The following PDE6B variants were observed in gnomAD, a reference collection of about 807,000 sequenced individuals.
The protein encoded by PDE6B is phosphodiesterase 6B.
A neutral mutation model predicts 109.0 loss-of-function variants in PDE6B; 106 were observed. The ratio of observed to expected loss-of-function variants is 0.97; its 90% CI spans 0.83 to 1.14. The LOEUF is 1.14. Among genes scored for constraint, PDE6B ranks in the 50% most tolerant of loss-of-function variants. PDE6B has a pLI of 0.00. For missense variants in PDE6B, 1,193 were observed against 1,155.6 expected (o/e 1.03, Z -0.47); for synonymous variants, 490 against 471.3 (o/e 1.04, Z -0.51).
Position 663,775 on chromosome 4 carries a change from G to A in PDE6B, c.1926G>A (p.Leu642=), listed in dbSNP as rs1737427413. ...GCTGGGCATAACCTCCGCAGACCCTGAACATCTACCAGAACCTGAACCGGC... is the reference window on the plus strand; with the variant it reads ...GCTGGGCATAACCTCCGCAGACCCTAAACATCTACCAGAACCTGAACCGGC... The part of the protein sequence containing the change: ...FGKFLLSEET[L]NIYQNLNRRQ... Residue 642 remains leucine, a synonymous_variant, in exon 16 of 22, where the codon CTG becomes CTA. Coordinates refer to ENST00000496514, the MANE Select transcript of PDE6B (RefSeq NM_000283.4). The surrounding 1 kb of genome is among the most constrained non-coding windows in gnomAD (Gnocchi z 4.0). 1 of 1,611,678 alleles carries A rather than the reference G, an allele frequency of 6.2e-7. No individual in the cohort carries two copies. The highest frequency in any genetic ancestry group is 8.5e-7 in the Non-Finnish European group (1 of 1,178,954).
At chr4:660,790 A>G (rs965389587) in intron 12 of PDE6B, among the ~76,000 whole-genome samples, 177 bp downstream of exon 12, 33 of 152,276 alleles carry the variant, frequency 2.2e-4, no homozygotes, top group African/African-American at 7.7e-4. Flanking sequence ...TAAAATGCAC[A>G]CGGGAAGTAA....
intron 3 of PDE6B, among the ~76,000 whole-genome samples, chr4:644,519 G>A (rs188660056): frequency 5.6e-4 from 85 of 151,838 alleles, no homozygotes; most frequent in African/African-American, 2.0e-3. Flanking sequence ...GAATAACAGT[G>A]TTTTTGTTTT....
At chr4:657,096 TC>T in intron 9 of PDE6B, 73 bp downstream of exon 9, 1 of 1,457,032 alleles carries the variant, frequency 6.9e-7, no homozygotes, top group Non-Finnish European at 9.6e-7. Flanking sequence ...TGTGGGGGCC[TC>T]CCCGCCAAGC....
In PDE6B at chr4:663,021, C is replaced by T. The variant is rs918782525; in HGVS notation, c.1833-79C>T. ...CTGTCTCAAAAAAAAGAAAGTGGGG[C>T]CCATCTGGGGGGGCTGCAGAGCGCA... On this transcript the variant is annotated intron_variant, in intron 14 of 21. Coordinates refer to ENST00000496514, the MANE Select transcript of PDE6B (RefSeq NM_000283.4). The surrounding 1 kb of genome is among the most constrained non-coding windows in gnomAD (Gnocchi z 4.0). 1.8e-5 allele frequency: 15 copies of T among 829,284 alleles called. No homozygotes were observed. The highest frequency in any genetic ancestry group is 1.3e-4 in the African/African-American group (8 of 59,916). The allele number at this position is 829,284 out of a possible 1,614,324, so 51.4% of individuals were successfully genotyped here. A position where few individuals can be genotyped will look rare whatever the true frequency, so the allele number is the denominator to read the frequency against.
rs1168964463 is a variant in PDE6B, at chr4:636,351, C to T, written c.711+382C>T. On this transcript the variant is annotated intron_variant, in intron 3 of 21. Transcript: ENST00000496514. The surrounding 1 kb of genome is among the most constrained non-coding windows in gnomAD (Gnocchi z 4.5). ...GAGAGGGTGCAGGGGCAGGTCCGGC[C>T]CTGACTGAGAGAGGGTGTAGGGGCA... 6.6e-6 allele frequency among the ~76,000 whole-genome samples: 1 copy of T among 152,060 alleles called. No homozygotes were observed. Among genetic ancestry groups the T allele is most frequent in the African/African-American group, 2.4e-5 (1 of 41,404 alleles).
intron 21 of PDE6B, among the ~76,000 whole-genome samples, 159 bp downstream of exon 21, chr4:668,165 C>T (rs765151877): frequency 1.3e-5 from 2 of 151,906 alleles, no homozygotes; most frequent in Admixed American, 6.6e-5. Flanking sequence ...GAGGCCACGG[C>T]GGGGGAGAGT....
intron 20 of PDE6B, 118 bp from the exon 21 acceptor site, chr4:667,738 C>T: frequency 9.0e-7 from 1 of 1,111,158 alleles, no homozygotes; most frequent in Admixed American, 1.7e-5. Context: ...CTCCGTGGCG[C>T]TCCCTCCTCC....
Position 662,819 on chromosome 4 carries a change from T to C in PDE6B, c.1832+201T>C, listed in dbSNP as rs1466199968. On this transcript the variant is annotated intron_variant, in intron 14 of 21. Coordinates refer to ENST00000496514, the MANE Select transcript of PDE6B (RefSeq NM_000283.4). This position sits in a 1 kb window ranked among gnomAD's most constrained non-coding sequence, Gnocchi z 4.3. ...AGCCTGGGCAACATGGCAAGAGCTC[T>C]CCTCTACAAAAACTTAAAAAAAAAA... 8.2e-4 allele frequency among the ~76,000 whole-genome samples: 112 copies of C among 137,090 alleles called. No individual in the cohort carries two copies. The highest frequency in any genetic ancestry group is 2.9e-3 in the African/African-American group (104 of 36,178). 89.9% of individuals were successfully genotyped at this position (137,090 alleles called of 152,430 possible).
At chr4:632,063 C>G (rs1734411792) in intron 1 of PDE6B, among the ~76,000 whole-genome samples, 1 of 149,042 alleles carries the variant, frequency 6.7e-6, no homozygotes, top group African/African-American at 2.5e-5. Flanking sequence ...CTGTGTGGAT[C>G]TATGTGACAC....
At position 658,841 on chromosome 4, in the gene PDE6B, G is replaced by C. The variant is rs1423459775; in HGVS notation, c.1402-111G>C. 7.5e-6 allele frequency: 6 copies of C among 797,174 alleles called. No homozygotes were observed. The African/African-American group carries it at 1.0e-4, about 14-fold the overall frequency. The allele number at this position is 797,174 out of a possible 1,614,324, so 49.4% of individuals were successfully genotyped here. On this transcript the variant is annotated intron_variant, in intron 10 of 21. Coordinates refer to ENST00000496514, the MANE Select transcript of PDE6B (RefSeq NM_000283.4). Reference sequence around the variant, plus strand: ...CCGCCAGGGCCTTCCCAGGGTGAAAGCACAAGCTCTTGACAGCACCTTCCT... The same window carrying C: ...CCGCCAGGGCCTTCCCAGGGTGAAACCACAAGCTCTTGACAGCACCTTCCT...
At chr4:635,171 G>A (rs1471644038) in intron 2 of PDE6B, among the ~76,000 whole-genome samples, 2 of 115,382 alleles carry the variant, frequency 1.7e-5, no homozygotes, top group Non-Finnish European at 3.4e-5. Flanking sequence ...GTTCTGTGCT[G>A]CGCGTCCACC....
Position 667,861 on chromosome 4 carries a change from C to T in PDE6B, c.2358C>T (p.Phe786=). 2 of 1,613,076 alleles carry T rather than the reference C, an allele frequency of 1.2e-6. No homozygotes were observed. The highest frequency in any genetic ancestry group is 1.7e-6 in the Non-Finnish European group (2 of 1,179,496). ...DFVCTFVYKE[F]SRFHEEILPM... ...GACTTCTCGACTCCCCTCAGGAGTT[C>T]TCTCGTTTCCACGAAGAGATCCTGC... Residue 786 remains phenylalanine (F), a synonymous_variant, in exon 21 of 22, where the codon TTC becomes TTT. Coordinates refer to ENST00000496514, the MANE Select transcript of PDE6B (RefSeq NM_000283.4).
In PDE6B at chr4:636,697, G is replaced by A. The variant is rs138023175; in HGVS notation, c.711+728G>A. Reference sequence around the variant, plus strand: ...GCCTTCTCCGTGTCTTGTTCTGCCTGCGGATGCTGCCTGGCCCTGGTCACC... The same window carrying A: ...GCCTTCTCCGTGTCTTGTTCTGCCTACGGATGCTGCCTGGCCCTGGTCACC... On this transcript the variant is annotated intron_variant, in intron 3 of 21. Coordinates refer to ENST00000496514, the MANE Select transcript of PDE6B (RefSeq NM_000283.4). The surrounding 1 kb of genome is among the most constrained non-coding windows in gnomAD (Gnocchi z 4.5). 1.1e-4 allele frequency among the ~76,000 whole-genome samples: 17 copies of A among 152,320 alleles called. No individual in the cohort carries two copies. The highest frequency in any genetic ancestry group is 1.9e-4 in the Non-Finnish European group (13 of 68,014).
rs1334050220 is a variant in PDE6B at position 665,578 on chromosome 4, A to G, written c.2268+249A>G. On this transcript the variant is annotated intron_variant, in intron 19 of 21. Transcript: ENST00000496514. The surrounding 1 kb of genome is among the most constrained non-coding windows in gnomAD (Gnocchi z 4.0). ...GAGGAACCAGGGCCACCCGCTCATC[A>G]CCAGGAGCCTCTGGGTCCAGGCAGC... Among the ~76,000 whole-genome samples the G allele has an allele frequency of 6.6e-6, 1 of 152,058 alleles. No homozygotes were observed. The highest frequency in any genetic ancestry group is 6.5e-5 in the Admixed American group (1 of 15,280).
In PDE6B at chr4:662,495, C is replaced by T. The variant is rs767819188; in HGVS notation, c.1723-14C>T. 15 of 1,559,686 alleles carry T rather than the reference C, an allele frequency of 9.6e-6. No homozygotes were observed. The highest frequency in any genetic ancestry group is 1.2e-5 in the Non-Finnish European group (14 of 1,131,020). On this transcript the variant is annotated splice_polypyrimidine_tract_variant and intron_variant, in intron 13 of 21. Transcript: ENST00000496514. The surrounding 1 kb of genome is among the most constrained non-coding windows in gnomAD (Gnocchi z 4.3). ...GAGCCAGGACCGGTGAGCAAGGTGG[C>T]CCTGTCTCTACAGACCGGCAAACTG...
At chr4:655,552 A>AG (rs1736115783) in intron 6 of PDE6B, 1 of 366,808 alleles carries the variant, frequency 2.7e-6, no homozygotes, top group Admixed American at 4.0e-5. Context: ...CCCAAGAGGG[A>AG]GGGGCCCCAG....
chr4:667,855 G>T lies in PDE6B; in HGVS notation c.432+1241G>T, dbSNP rs1737975269. 1 of 1,612,954 alleles carries T rather than the reference G, an allele frequency of 6.2e-7. No homozygotes were observed. Among genetic ancestry groups the T allele is most frequent in the Non-Finnish European group, 8.5e-7 (1 of 1,179,394 alleles). ...GGTGGTGACTTCTCGACTCCCCTCA[G>T]GAGTTCTCTCGTTTCCACGAAGAGA... On this transcript the variant is annotated intron_variant, in intron 5 of 5. Transcript: ENST00000471824.
Position 663,237 on chromosome 4 carries a change from T to C in PDE6B, c.1920+50T>C. Reference sequence around the variant, plus strand: ...TGCTGTGGGCGCTGGGGACGCAGCGTCCGCAGGACGGCAGGGCCGTATCCT... The same window carrying C: ...TGCTGTGGGCGCTGGGGACGCAGCGCCCGCAGGACGGCAGGGCCGTATCCT... On this transcript the variant is annotated intron_variant, in intron 15 of 21. Coordinates refer to ENST00000496514, the MANE Select transcript of PDE6B (RefSeq NM_000283.4). The surrounding 1 kb of genome is among the most constrained non-coding windows in gnomAD (Gnocchi z 4.0). The C allele has an allele frequency of 5.8e-6, 6 of 1,036,340 alleles. No homozygotes were observed. The highest frequency in any genetic ancestry group is 1.3e-5 in the South Asian group (1 of 79,570). 64.2% of individuals were successfully genotyped at this position (1,036,340 alleles called of 1,614,324 possible).
chr4:666,612 A>G lies in PDE6B; in HGVS notation c.2350A>G (p.Lys784Glu). Residue 784 changes from lysine (K) to glutamate (E), a missense_variant and splice_region_variant, in exon 20 of 22, where the codon AAG becomes GAG. Lys to Glu is a moderately conservative substitution (Grantham distance 56). Transcript: ENST00000496514. This position sits in a 1 kb window ranked among gnomAD's most constrained non-coding sequence, Gnocchi z 5.6. ...FIDFVCTFVY[K>E]EFSRFHEEIL... ...CGACTTCGTGTGCACATTCGTGTAC[A>G]AGGCGAGTGGTTCACGGGTGTTCCG... is the stretch of plus-strand genomic sequence containing the variant. The G allele has an allele frequency of 6.2e-7, 1 of 1,605,988 alleles. No individual in the cohort carries two copies. The highest frequency in any genetic ancestry group is 2.2e-5 in the East Asian group (1 of 44,824).
Sources: gnomAD v4.1 joint callset for allele counts (sites outside exome capture counted in the v4.1 genomes callset) on GRCh38, gnomAD v4.1.1 for gene constraint, Gnocchi (gnomAD v3.1) non-coding constraint, MANE v1.5 for transcripts, NCBI Gene and HGNC (gene_info 2026-07-23, HGNC 2026-07-21) for gene names.